The following NALCN variants were observed in gnomAD, a reference collection of about 807,000 sequenced individuals.
NALCN encodes the protein sodium leak channel NALCN.
NALCN carries 111 observed loss-of-function variants against 225.3 expected under a neutral mutation model. The ratio of observed to expected loss-of-function variants is 0.49; its 90% CI spans 0.42 to 0.58. NALCN has a LOEUF of 0.58. Among genes scored for constraint, NALCN ranks in the 20% least tolerant of loss-of-function variants. The pLI, the probability that NALCN is intolerant of heterozygous loss-of-function variation, is 0.00. For synonymous variants in NALCN, 764 were observed against 769.0 expected (o/e 0.99, Z 0.11); for missense variants, 1,378 against 2,202.4 (o/e 0.63, Z 7.49).
chr13:101,229,245 C>A, intron 13 of NALCN, 148 bp downstream of exon 13: 3 of 751,658 alleles, frequency 4.0e-6, no homozygotes, highest in Non-Finnish European at 5.9e-6. Context: ...GCAGAAGAGA[C>A]AATTTTAAAT....
chr13:101,074,157 A>G (rs961197091), intron 36 of NALCN, among the ~76,000 whole-genome samples: 14 of 152,344 alleles, frequency 9.2e-5, no homozygotes, highest in Middle Eastern at 3.4e-3. Flanking sequence ...AGAAACCCAG[A>G]GTTATCTTAA....
intron 31 of NALCN, 76 bp from the exon 32 acceptor site, chr13:101,083,274 T>C: frequency 1.6e-6 from 2 of 1,241,032 alleles, no homozygotes; most frequent in Non-Finnish European, 2.3e-6. Context: ...TTTTCTTAAA[T>C]GCTTATCTTA....
intron 2 of NALCN, among the ~76,000 whole-genome samples, chr13:101,396,152 A>T (rs2047286446): frequency 1.3e-5 from 2 of 152,100 alleles, no homozygotes; most frequent in African/African-American, 4.8e-5. Flanking sequence ...ATTTTCTTTA[A>T]CCCCAAAATA....
rs1280442709 is a variant in NALCN at position 101,242,820 on chromosome 13, G to T, written c.1267-4898C>A. On this transcript the variant is annotated intron_variant, in intron 11 of 43. Transcript: ENST00000251127. ...TTTAACACTGACAGATGAACATGTT[G>T]TCTGTGTTCAGATTCTGTAGTTGCA... Among the ~76,000 whole-genome samples the T allele has an allele frequency of 1.9e-5, 2 of 106,214 alleles. 1 individual carries two copies. Among genetic ancestry groups the T allele is most frequent in the East Asian group, 4.8e-4 (2 of 4,150 alleles). 69.7% of individuals were successfully genotyped at this position (106,214 alleles called of 152,430 possible). A position where few individuals can be genotyped will look rare whatever the true frequency, so the allele number is the denominator to read the frequency against.
chr13:101,254,430 G>T (rs1046122701), intron 11 of NALCN, among the ~76,000 whole-genome samples: 3 of 144,750 alleles, frequency 2.1e-5, no homozygotes, highest in Admixed American at 6.9e-5. Flanking sequence ...CCAAAACCTA[G>T]AGTGGAACAA....
intron 17 of NALCN, among the ~76,000 whole-genome samples, chr13:101,139,769 T>C (rs2036976916): frequency 6.6e-6 from 1 of 152,190 alleles, no homozygotes; most frequent in Admixed American, 6.5e-5. Flanking sequence ...TTTTGTTCTG[T>C]GTTTATGCGC....
chr13:101,293,246 A>T (rs1477776291), intron 7 of NALCN, among the ~76,000 whole-genome samples: 1 of 152,196 alleles, frequency 6.6e-6, no homozygotes, highest in Admixed American at 6.5e-5. Flanking sequence ...TTCTGTAGTT[A>T]GTTTCTCCAT....
At chr13:101,226,547 G>A (rs2041149506) in intron 13 of NALCN, among the ~76,000 whole-genome samples, 1 of 152,126 alleles carries the variant, frequency 6.6e-6, no homozygotes, top group East Asian at 1.9e-4. Flanking sequence ...CCCAGTGAAG[G>A]GGCAGACCCA....
chr13:101,368,146 C>G (rs1251594645), intron 6 of NALCN, among the ~76,000 whole-genome samples: 2 of 120,140 alleles, frequency 1.7e-5, no homozygotes, highest in South Asian at 6.6e-4. Flanking sequence ...AAAGCTATCC[C>G]TCCCCCCTCC....
At chr13:101,279,798 C>T (rs1464367073) in intron 10 of NALCN, among the ~76,000 whole-genome samples, 1 of 147,508 alleles carries the variant, frequency 6.8e-6, no homozygotes, top group Non-Finnish European at 1.5e-5. Flanking sequence ...GCCTGGGCGA[C>T]AGAGCGAGAC....
intron 15 of NALCN, among the ~76,000 whole-genome samples, chr13:101,173,451 T>C (rs2038830434): frequency 6.6e-6 from 1 of 152,176 alleles, no homozygotes; most frequent in African/African-American, 2.4e-5. Flanking sequence ...TGTGTAACCT[T>C]GAGCAAGTTA....
chr13:101,390,286 C>T (rs1379639856), intron 3 of NALCN, among the ~76,000 whole-genome samples: 2 of 151,058 alleles, frequency 1.3e-5, no homozygotes, highest in Non-Finnish European at 2.9e-5. Context: ...AAAGAAAGAA[C>T]AAAAACTGTT....
intron 11 of NALCN, among the ~76,000 whole-genome samples, chr13:101,244,073 A>C (rs201290234): frequency 2.8e-5 from 1 of 36,248 alleles, no homozygotes; most frequent in Admixed American, 2.2e-4. Context: ...GGTCCCATCC[A>C]CATGCCTGAC....
intron 7 of NALCN, among the ~76,000 whole-genome samples, chr13:101,294,390 G>T (rs1465940005): frequency 6.6e-6 from 1 of 152,106 alleles, no homozygotes; most frequent in East Asian, 1.9e-4. Flanking sequence ...TAAATATCTT[G>T]ATTTGATAAT....
At chr13:101,083,383 C>T (rs1198299054) in intron 31 of NALCN, among the ~76,000 whole-genome samples, 185 bp from the exon 32 acceptor site, 1 of 152,114 alleles carries the variant, frequency 6.6e-6, no homozygotes, top group Non-Finnish European at 1.5e-5. Flanking sequence ...GTGCATGATG[C>T]CGTCTATATT....
chr13:101,394,747 A>G (rs1188991971), intron 3 of NALCN, among the ~76,000 whole-genome samples: 1 of 152,034 alleles, frequency 6.6e-6, no homozygotes, highest in African/African-American at 2.4e-5. Flanking sequence ...TGTATTTTCA[A>G]AACACATCAA....
At chr13:101,081,494 A>AG (rs1566792378) in intron 34 of NALCN, 33 bp downstream of exon 34, 32 of 1,613,378 alleles carry the variant, frequency 2.0e-5, no homozygotes, top group Non-Finnish European at 2.6e-5. Flanking sequence ...AACTGAAATA[A>AG]TCAGCTGAAA....
At chr13:101,410,324 A>C (rs1204244691) in intron 1 of NALCN, among the ~76,000 whole-genome samples, 3 of 152,220 alleles carry the variant, frequency 2.0e-5, no homozygotes, top group Non-Finnish European at 4.4e-5. Flanking sequence ...TCACTAGCCT[A>C]GATGCTCAGA....
chr13:101,104,511 T>G lies in NALCN; in HGVS notation c.2757+19A>C. On this transcript the variant is annotated intron_variant, in intron 24 of 43. Transcript: ENST00000251127. The surrounding 1 kb of genome is among the most constrained non-coding windows in gnomAD (Gnocchi z 4.2). ...TACCTCCTAGTTGTAAGCTGAGATT[T>G]TGCAGCGGTAAGCGGTACCTGCAAA... is the stretch of plus-strand genomic sequence containing the variant. 1 of 1,613,828 alleles carries G rather than the reference T, an allele frequency of 6.2e-7. No individual in the cohort carries two copies. The highest frequency in any genetic ancestry group is 8.5e-7 in the Non-Finnish European group (1 of 1,179,830).
Sources: gnomAD v4.1 joint callset for allele counts (sites outside exome capture counted in the v4.1 genomes callset) on GRCh38, gnomAD v4.1.1 for gene constraint, Gnocchi (gnomAD v3.1) non-coding constraint, MANE v1.5 for transcripts, NCBI Gene and HGNC (gene_info 2026-07-23, HGNC 2026-07-21) for gene names.